CTBP2: variants seen among roughly 807,000 people sequenced by gnomAD.
The protein encoded by CTBP2 is C-terminal binding protein 2, also known as C-terminal-binding protein 2.
In CTBP2, 30 loss-of-function variants were observed where a neutral mutation model predicts 80.3. The ratio of observed to expected loss-of-function variants is 0.37; its 90% CI spans 0.28 to 0.51. The LOEUF (loss-of-function observed/expected upper bound fraction) is 0.51. Ranked by LOEUF, CTBP2 falls within the 20% of genes least tolerant of loss-of-function variation. CTBP2 has a pLI of 0.93. For missense variants in CTBP2, 1,212 were observed against 1,375.3 expected, an observed-to-expected ratio of 0.88 and a Z score of 1.88; for synonymous variants, 594 against 587.4, an observed-to-expected ratio of 1.01 and a Z score of -0.16.
chr10:124,997,608 T>C, intron 4 of CTBP2: 1 of 298,912 alleles, frequency 3.3e-6, no homozygotes, highest in East Asian at 7.0e-5. Context: ...GCCCCAAGCC[T>C]GGCTGCTGCT....
chr10:125,152,396 CG>C (rs1860147818), intron 1 of CTBP2, among the ~76,000 whole-genome samples: 1 of 152,200 alleles, frequency 6.6e-6, no homozygotes, highest in Non-Finnish European at 1.5e-5. Flanking sequence ...CGCAGGACAC[CG>C]GAAGTCGTCC....
At chr10:125,015,950 A>C (rs566598331) in intron 1 of CTBP2, among the ~76,000 whole-genome samples, 2 of 152,354 alleles carry the variant, frequency 1.3e-5, no homozygotes, top group South Asian at 4.1e-4. Flanking sequence ...AAAAGGCCAC[A>C]GGCAACCCAG....
In CTBP2 at chr10:124,992,625, T is replaced by G. The variant is rs983038553; in HGVS notation, c.2777+70A>C. The G allele has an allele frequency of 7.0e-6, 8 of 1,143,594 alleles. No individual in the cohort carries two copies. In the Admixed American group the frequency reaches 1.9e-4, roughly 28 times the overall value. 70.8% of individuals were successfully genotyped at this position (1,143,594 alleles called of 1,614,324 possible). On this transcript the variant is annotated intron_variant, in intron 8 of 8. Coordinates refer to ENST00000309035, the MANE Select transcript of CTBP2 (RefSeq NM_022802.3). Reference sequence around the variant, plus strand: ...GCGGGAGGTTAAGCTTCCGCCAAGTTTGGGCTTCTCTCCCTGGCCCCGGGG... The same window carrying G: ...GCGGGAGGTTAAGCTTCCGCCAAGTGTGGGCTTCTCTCCCTGGCCCCGGGG...
rs1379443390 is a variant in CTBP2 at position 124,993,210 on chromosome 10, G to A, written c.2651C>T (p.Ala884Val). The A allele has an allele frequency of 1.9e-6, 3 of 1,597,522 alleles. No homozygotes were observed. The highest frequency in any genetic ancestry group is 3.3e-5 in the Admixed American group (2 of 59,776). Residue 884 changes from alanine (A) to valine (V), a missense_variant, in exon 7 of 9, where the codon GCC becomes GTC. Transcript: ENST00000309035. The stretch of plus-strand genomic sequence containing the variant: ...GGCACGGAGGGGCTCACCTGTGATG[G>A]CTCGGCGGATCTCGGTGGCAGCTGC...
At chr10:125,145,855 T>C (rs990202193) in intron 1 of CTBP2, among the ~76,000 whole-genome samples, 1 of 152,266 alleles carries the variant, frequency 6.6e-6, no homozygotes, top group Non-Finnish European at 1.5e-5. Flanking sequence ...TGAGATGCCC[T>C]TGCATTCCAG....
At chr10:125,082,642 A>G (rs1445933804) in intron 2 of CTBP2, among the ~76,000 whole-genome samples, 1 of 146,348 alleles carries the variant, frequency 6.8e-6, no homozygotes, top group East Asian at 2.0e-4. Flanking sequence ...GGCTAGAGTG[A>G]AGTGGCATGA....
intron 2 of CTBP2, among the ~76,000 whole-genome samples, chr10:125,076,724 G>C (rs936130220): frequency 2.6e-5 from 4 of 152,216 alleles, no homozygotes; most frequent in Admixed American, 6.5e-5. Flanking sequence ...AGAAGGCAGA[G>C]AGAAAAACAG....
intron 3 of CTBP2, among the ~76,000 whole-genome samples, chr10:125,038,775 C>T (rs1009482307): frequency 1.3e-5 from 2 of 152,218 alleles, no homozygotes; most frequent in African/African-American, 4.8e-5. Context: ...TGAAACTGTC[C>T]TCCTAGTCCC....
chr10:125,000,125 C>T (rs1324727305), intron 3 of CTBP2: 1 of 152,326 alleles, frequency 6.6e-6, no homozygotes, highest in Non-Finnish European at 1.5e-5. Flanking sequence ...CTCCGTGGTT[C>T]CACTGCTCAC....
chr10:125,069,640 T>C (rs1213145716), intron 2 of CTBP2, among the ~76,000 whole-genome samples: 2 of 152,046 alleles, frequency 1.3e-5, no homozygotes, highest in African/African-American at 2.4e-5. Flanking sequence ...GAAAACAAAA[T>C]TACTGGCTGA....
chr10:125,077,165 C>T (rs1407169964), intron 2 of CTBP2, among the ~76,000 whole-genome samples: 2 of 152,148 alleles, frequency 1.3e-5, no homozygotes, highest in African/African-American at 4.8e-5. Flanking sequence ...AAATGAAATG[C>T]GTGTCAGGCA....
chr10:125,130,484 C>T (rs1049975873), intron 1 of CTBP2, among the ~76,000 whole-genome samples: 3 of 152,144 alleles, frequency 2.0e-5, no homozygotes, highest in South Asian at 2.1e-4. Flanking sequence ...ACGACTTGGA[C>T]GCAGCTGCTG....
upstream of CTBP2, among the ~76,000 whole-genome samples, chr10:125,031,485 T>C (rs61870323): frequency 1.5e-5 from 1 of 68,860 alleles, no homozygotes; most frequent in Non-Finnish European, 2.8e-5. Flanking sequence ...CAAGACTCCA[T>C]TTCAAAAAAA....
intron 1 of CTBP2, among the ~76,000 whole-genome samples, chr10:125,147,845 C>T (rs1435569090): frequency 2.0e-5 from 3 of 151,938 alleles, no homozygotes; most frequent in South Asian, 2.1e-4. Context: ...CGCAGTCAGC[C>T]GTGATTGCGC....
chr10:125,080,889 C>T (rs1376357122), intron 2 of CTBP2, among the ~76,000 whole-genome samples: 19 of 151,422 alleles, frequency 1.3e-4, no homozygotes, highest in Admixed American at 1.1e-3. Flanking sequence ...AAGGGCACAG[C>T]GCTGCCTCCC....
intron 2 of CTBP2, among the ~76,000 whole-genome samples, chr10:125,091,965 T>C (rs1213547123): frequency 6.6e-6 from 1 of 152,152 alleles, no homozygotes; most frequent in Non-Finnish European, 1.5e-5. Flanking sequence ...AAGCTTTTCA[T>C]TTTAAGACAA....
chr10:125,052,156 A>AC (rs556495432), intron 2 of CTBP2, among the ~76,000 whole-genome samples: 3 of 151,986 alleles, frequency 2.0e-5, no homozygotes, highest in Admixed American at 6.6e-5. Flanking sequence ...CAAGCTCAGG[A>AC]CCCCCCGGCA....
At chr10:125,029,729 T>G (rs2134755488), upstream of CTBP2, among the ~76,000 whole-genome samples, 1 of 149,544 alleles carries the variant, frequency 6.7e-6, no homozygotes, top group African/African-American at 2.4e-5. Context: ...CCATGCCAAG[T>G]CTTTTTTGTA....
chr10:124,996,547 C>T (rs759105233), intron 4 of CTBP2: 2 of 152,386 alleles, frequency 1.3e-5, no homozygotes, highest in Non-Finnish European at 1.5e-5. Context: ...GCTGCACTGA[C>T]CTCTATACAC....
Sources: gnomAD v4.1 joint callset for allele counts (sites outside exome capture counted in the v4.1 genomes callset) on GRCh38, gnomAD v4.1.1 for gene constraint, MANE v1.5 for transcripts, NCBI Gene and HGNC (gene_info 2026-07-23, HGNC 2026-07-21) for gene names.